NPAS3: variants seen among roughly 807,000 people sequenced by gnomAD.
NPAS3 encodes neuronal PAS domain protein 3.
NPAS3 carries 14 observed loss-of-function variants against 73.1 expected under a neutral mutation model. The observed-to-expected ratio is 0.19, with a 90% confidence interval of 0.13 to 0.30. NPAS3 has a LOEUF of 0.30. Ranked by LOEUF, NPAS3 falls within the 10% of genes least tolerant of loss-of-function variation. NPAS3 has a pLI of 1.00. For synonymous variants in NPAS3, 620 were observed against 541.5 expected (o/e 1.14, Z -2.01); for missense variants, 1,096 against 1,250.0 (o/e 0.88, Z 1.86).
At chr14:33,292,332 C>G (rs1350726910) in intron 3 of NPAS3, among the ~76,000 whole-genome samples, 2 of 152,164 alleles carry the variant, frequency 1.3e-5, no homozygotes, top group Non-Finnish European at 2.9e-5. Context: ...ACTCTCAACT[C>G]AGGAAGCCCC....
intron 2 of NPAS3, among the ~76,000 whole-genome samples, chr14:33,136,433 C>A (rs1220639914): frequency 1.3e-5 from 2 of 152,290 alleles, no homozygotes; most frequent in East Asian, 3.9e-4. Context: ...TCCATGATAA[C>A]CTTTAACACA....
At chr14:33,318,879 C>T (rs1012388410) in intron 3 of NPAS3, among the ~76,000 whole-genome samples, 2 of 152,086 alleles carry the variant, frequency 1.3e-5, no homozygotes, top group Non-Finnish European at 2.9e-5. Context: ...ATAACTACTC[C>T]TTAGAATCCG....
intron 4 of NPAS3, among the ~76,000 whole-genome samples, chr14:33,414,998 C>T (rs2048089308): frequency 6.6e-6 from 1 of 152,018 alleles, no homozygotes; most frequent in East Asian, 1.9e-4. Context: ...AATCCAGTGC[C>T]CTAGGTTTTC....
At chr14:33,306,138 T>A (rs1309795249) in intron 3 of NPAS3, among the ~76,000 whole-genome samples, 2 of 152,178 alleles carry the variant, frequency 1.3e-5, no homozygotes, top group Admixed American at 1.3e-4. Flanking sequence ...GAATCCATGA[T>A]ATAACGATAT....
intron 4 of NPAS3, among the ~76,000 whole-genome samples, chr14:33,539,976 C>T (rs184601810): frequency 5.3e-5 from 8 of 152,170 alleles, no homozygotes; most frequent in East Asian, 1.9e-4. Context: ...AGGCTGACCA[C>T]GAATGCATCC....
intron 3 of NPAS3, among the ~76,000 whole-genome samples, chr14:33,350,150 C>G (rs2044964747): frequency 6.6e-6 from 1 of 152,116 alleles, no homozygotes; most frequent in African/African-American, 2.4e-5. Context: ...GTAATGAGCT[C>G]TGGTGGGACA....
At chr14:33,215,632 A>G (rs908585664) in intron 3 of NPAS3, 1 of 716,478 alleles carries the variant, frequency 1.4e-6, no homozygotes, top group East Asian at 2.7e-5. Flanking sequence ...CAAAAAGTCT[A>G]TCAGCCTAAA....
At chr14:33,185,688 C>T (rs1294763119) in intron 2 of NPAS3, among the ~76,000 whole-genome samples, 3 of 152,134 alleles carry the variant, frequency 2.0e-5, no homozygotes, top group African/African-American at 4.8e-5. Flanking sequence ...CTTACACTCA[C>T]TCTCATGTAA....
chr14:33,677,189 C>T (rs532858509), intron 6 of NPAS3, among the ~76,000 whole-genome samples: 8 of 152,224 alleles, frequency 5.3e-5, no homozygotes, highest in East Asian at 1.9e-4. Flanking sequence ...ATTAGATCTG[C>T]GAAGGATTTA....
intron 5 of NPAS3, among the ~76,000 whole-genome samples, chr14:33,594,627 C>CA: frequency 6.6e-6 from 1 of 152,224 alleles, no homozygotes; most frequent in Non-Finnish European, 1.5e-5. Context: ...CCTGCTGGCC[C>CA]AGGAAGAAGC....
chr14:33,314,254 T>C (rs1444893709), intron 3 of NPAS3, among the ~76,000 whole-genome samples: 2 of 152,074 alleles, frequency 1.3e-5, no homozygotes, highest in African/African-American at 4.8e-5. Flanking sequence ...TTATTGTAAT[T>C]TTCTTCCAGA....
intron 6 of NPAS3, among the ~76,000 whole-genome samples, chr14:33,676,715 GTTTA>G (rs1403989989): frequency 6.6e-5 from 10 of 152,156 alleles, no homozygotes; most frequent in Non-Finnish European, 1.2e-4. Context: ...AATGTAATGC[GTTTA>G]TTTATTATTC....
At chr14:32,939,644 G>T (rs950809580) in intron 1 of NPAS3, among the ~76,000 whole-genome samples, 1 of 141,574 alleles carries the variant, frequency 7.1e-6, no homozygotes, top group Non-Finnish European at 1.5e-5. Flanking sequence ...AAAAAAAGAA[G>T]AAAGAAACAG....
chr14:33,108,670 T>C (rs1036084727), intron 2 of NPAS3, among the ~76,000 whole-genome samples: 1 of 152,200 alleles, frequency 6.6e-6, no homozygotes, highest in Admixed American at 6.5e-5. Flanking sequence ...TTGTTTATAT[T>C]GAAACTATAT....
At chr14:33,649,736 T>G (rs2058937545) in intron 5 of NPAS3, among the ~76,000 whole-genome samples, 1 of 152,112 alleles carries the variant, frequency 6.6e-6, no homozygotes, top group African/African-American at 2.4e-5. Context: ...GAATAGGGTA[T>G]GAAGAAGACA....
chr14:33,437,336 G>C lies in NPAS3; in HGVS notation c.468+70068G>C, dbSNP rs552450422. Among the ~76,000 whole-genome samples, 12 of 152,278 alleles carry C rather than the reference G, an allele frequency of 7.9e-5. No homozygotes were observed. The South Asian group carries it at 1.9e-3, about 24-fold the overall frequency. Reference sequence around the variant, plus strand: ...GGCGGTATAGAACCAATTTTTCCAAGCTTGCCTGCTTGGGGAAGAGGAAAC... The same window carrying C: ...GGCGGTATAGAACCAATTTTTCCAACCTTGCCTGCTTGGGGAAGAGGAAAC... On this transcript the variant is annotated intron_variant, in intron 4 of 11. Transcript: ENST00000356141.
chr14:33,617,679 G>T (rs1469834099), intron 5 of NPAS3, among the ~76,000 whole-genome samples: 3 of 152,192 alleles, frequency 2.0e-5, no homozygotes, highest in African/African-American at 7.2e-5. Flanking sequence ...GAATGAATGG[G>T]CAAAAGCTGT....
At chr14:33,738,063 A>C (rs898849722) in intron 7 of NPAS3, among the ~76,000 whole-genome samples, 4 of 152,154 alleles carry the variant, frequency 2.6e-5, no homozygotes, top group African/African-American at 9.7e-5. Context: ...CTTACTGAAC[A>C]TTGACTGCGT....
intron 4 of NPAS3, among the ~76,000 whole-genome samples, chr14:33,477,051 G>A (rs2051067354): frequency 7.3e-6 from 1 of 137,018 alleles, no homozygotes. Context: ...GTGGAAAAGA[G>A]TTTGTCAACA....
Sources: allele counts gnomAD v4.1 joint callset (sites outside exome capture counted in the v4.1 genomes callset), GRCh38; gene constraint gnomAD v4.1.1; transcripts MANE v1.5; gene names NCBI Gene and HGNC (gene_info 2026-07-23, HGNC 2026-07-21).